The following APAF1 variants were observed in gnomAD, a reference collection of about 807,000 sequenced individuals.
APAF1 encodes apoptotic peptidase activating factor 1.
Under a neutral mutation model 152.4 loss-of-function variants are expected in APAF1, and 91 were observed. That is an observed-to-expected ratio of 0.60 (90% CI 0.50 to 0.71). APAF1 has a LOEUF of 0.71. Among genes scored for constraint, APAF1 ranks in the 30% least tolerant of loss-of-function variants. The pLI is 0.00. For missense variants in APAF1, 1,283 were observed against 1,472.0 expected, an observed-to-expected ratio of 0.87 and a Z score of 2.10; for synonymous variants, 484 against 494.1, an observed-to-expected ratio of 0.98 and a Z score of 0.27.
At chr12:98,653,357 A>G (rs536249067) in intron 4 of APAF1, among the ~76,000 whole-genome samples, 1 of 152,126 alleles carries the variant, frequency 6.6e-6, no homozygotes, top group South Asian at 2.1e-4. Context: ...ATTAAAGAAT[A>G]TTAAGTTGTT....
intron 16 of APAF1, among the ~76,000 whole-genome samples, 190 bp downstream of exon 16, chr12:98,687,063 G>A (rs1464091341): frequency 2.6e-5 from 4 of 152,150 alleles, no homozygotes; most frequent in Non-Finnish European, 5.9e-5. Context: ...ACAACCTAAT[G>A]CTTAAAGTTC....
chr12:98,691,239 A>G (rs1185632303), intron 16 of APAF1, among the ~76,000 whole-genome samples: 1 of 151,802 alleles, frequency 6.6e-6, no homozygotes, highest in Non-Finnish European at 1.5e-5. Flanking sequence ...ACTTGTACCT[A>G]CTGTTCCTCC....
At position 98,649,611 on chromosome 12, in the gene APAF1, C is replaced by T. The variant is rs1249547834; in HGVS notation, c.453C>T (p.Thr151=). 1 of 1,614,096 alleles carries T rather than the reference C, an allele frequency of 6.2e-7. No homozygotes were observed. The highest frequency in any genetic ancestry group is 1.7e-5 in the Admixed American group (1 of 60,012). ...TGAAAGGTGAACCAGGATGGGTCAC[C>T]ATACATGGAATGGCAGGCTGTGGGA... The part of the protein sequence containing the change: ...SKLKGEPGWV[T]IHGMAGCGKS... Residue 151 remains threonine, a synonymous_variant, in exon 4 of 27, where the codon ACC becomes ACT. Transcript: ENST00000551964.
intron 17 of APAF1, 103 bp downstream of exon 17, chr12:98,699,672 T>C: frequency 7.4e-7 from 1 of 1,345,266 alleles, no homozygotes; most frequent in South Asian, 1.2e-5. Context: ...AAAGTCTAGC[T>C]GTGTGATTTT....
chr12:98,704,158 T>G (rs993536062), intron 18 of APAF1, among the ~76,000 whole-genome samples: 2 of 149,672 alleles, frequency 1.3e-5, no homozygotes, highest in Non-Finnish European at 3.0e-5. Flanking sequence ...GAAATGGGGG[T>G]CTCACTGTGT....
rs745529226 is a variant in APAF1, at chr12:98,732,496, C to G, written c.3677C>G (p.Ser1226Cys). ...NGTNLKKIHV[S>C]PDFKTYVTVD... ...ACCAATCTTAAGAAAATACACGTGT[C>G]CCCTGACTTCAAAACATATGTGACT... The change falls in exon 27 of 27, where the codon TCC becomes TGC. Residue 1226 changes from serine (S) to cysteine (C), a missense_variant. By Grantham distance (112) the Ser-to-Cys change is moderately radical. Coordinates refer to ENST00000551964, the MANE Select transcript of APAF1 (RefSeq NM_181861.2). The G allele has an allele frequency of 3.8e-6, 6 of 1,595,208 alleles. No individual in the cohort carries two copies. The highest frequency in any genetic ancestry group is 1.3e-5 in the African/African-American group (1 of 74,480).
intron 16 of APAF1, among the ~76,000 whole-genome samples, chr12:98,688,306 ATTG>A (rs1565876965): frequency 6.6e-6 from 1 of 151,908 alleles, no homozygotes; most frequent in Non-Finnish European, 1.5e-5. Flanking sequence ...CATCTTTGAC[ATTG>A]TTGTCTCTTG....
intron 18 of APAF1, among the ~76,000 whole-genome samples, chr12:98,704,666 C>T (rs943713990): frequency 6.6e-5 from 10 of 152,180 alleles, no homozygotes; most frequent in South Asian, 2.1e-4. Context: ...TCCCATTGCA[C>T]ACAGAGGCAG....
rs1387174506 is a variant in APAF1 at position 98,677,522 on chromosome 12, G to A, written c.1891G>A (p.Ala631Thr). 1 of 1,614,170 alleles carries A rather than the reference G, an allele frequency of 6.2e-7. No homozygotes were observed. Reference sequence around the variant, plus strand: ...CTTTTCTGAGGATGGTCAGAGAATAGCTTCTTGTGGAGCTGATAAAACCTT... The same window carrying A: ...CTTTTCTGAGGATGGTCAGAGAATAACTTCTTGTGGAGCTGATAAAACCTT... The part of the protein sequence containing the change: ...ACFSEDGQRI[A>T]SCGADKTLQV... The change falls in exon 13 of 27, where the codon GCT becomes ACT. Residue 631 changes from alanine (A) to threonine (T), a missense_variant. Ala to Thr is a moderately conservative substitution (Grantham distance 58). Transcript: ENST00000551964.
chr12:98,715,783 G>T (rs1593105372), intron 22 of APAF1, among the ~76,000 whole-genome samples: 1 of 151,906 alleles, frequency 6.6e-6, no homozygotes, highest in African/African-American at 2.4e-5. Flanking sequence ...GAAAATGAAG[G>T]GTTTGTTTGC....
chr12:98,665,280 T>TATATATATATA (rs1565863211), intron 7 of APAF1, among the ~76,000 whole-genome samples: 11 of 62,650 alleles, frequency 1.8e-4, no homozygotes, highest in African/African-American at 6.3e-4. Context: ...ATATATATAT[T>TATATATATATA]TTTTTTTTTT....
intron 22 of APAF1, among the ~76,000 whole-genome samples, chr12:98,717,625 C>T (rs2097736469): frequency 1.3e-5 from 2 of 152,104 alleles, no homozygotes; most frequent in Non-Finnish European, 2.9e-5. Context: ...ATCCACCCAC[C>T]TTGGCCTCCC....
At chr12:98,657,787 A>G (rs190974757) in intron 4 of APAF1, among the ~76,000 whole-genome samples, 1 of 152,332 alleles carries the variant, frequency 6.6e-6, no homozygotes, top group Admixed American at 6.5e-5. Flanking sequence ...ACTTTGGGCA[A>G]ATTACTCAAC....
At chr12:98,684,462 C>CCCT (rs1468470418) in intron 15 of APAF1, among the ~76,000 whole-genome samples, 1 of 150,444 alleles carries the variant, frequency 6.6e-6, no homozygotes, top group Admixed American at 6.6e-5. Flanking sequence ...CTCTCCTCCT[C>CCCT]CCTCTCTTCT....
intron 10 of APAF1, among the ~76,000 whole-genome samples, chr12:98,669,650 T>A (rs2097677585): frequency 1.3e-5 from 2 of 152,214 alleles, no homozygotes; most frequent in Admixed American, 6.5e-5. Context: ...GGCCAGTTGG[T>A]TGATGGACAA....
At position 98,731,883 on chromosome 12, in the gene APAF1, A is replaced by G. The variant is rs368800260; in HGVS notation, c.3601-537A>G. Among the ~76,000 whole-genome samples the G allele has an allele frequency of 4.5e-4, 68 of 152,346 alleles. 1 individual carries two copies. The highest frequency in any genetic ancestry group is 1.6e-3 in the African/African-American group (65 of 41,580). On this transcript the variant is annotated intron_variant, in intron 26 of 26. Transcript: ENST00000551964. Reference sequence around the variant, plus strand: ...TTGAGATGTTCAGTATTTGTTTAGTAAATAAATAATATAGATTATTTTATA... The same window carrying G: ...TTGAGATGTTCAGTATTTGTTTAGTGAATAAATAATATAGATTATTTTATA...
rs201107103 is a variant in APAF1, at chr12:98,665,818, T to G, written c.1194+27T>G. 106 of 1,523,372 alleles carry G rather than the reference T, an allele frequency of 7.0e-5. 2 individuals are homozygous for G. In the Admixed American group the frequency reaches 1.7e-3, roughly 24 times the overall value. The allele number at this position is 1,523,372 out of a possible 1,614,324, so 94.4% of individuals were successfully genotyped here. A position where few individuals can be genotyped will look rare whatever the true frequency, so the allele number is the denominator to read the frequency against. ...TAATGGGATCAATGATCCTCATCAT[T>G]GGGTATTTATTGCATGTAAGCTTTG... On this transcript the variant is annotated intron_variant, in intron 8 of 26. Coordinates refer to ENST00000551964, the MANE Select transcript of APAF1 (RefSeq NM_181861.2).
rs1491328899 is a variant in APAF1 at position 98,665,279 on chromosome 12, T to TATATATATATATATATATATATATATATA, written c.956-274_956-273insATATATATATATATATATATATATATATA. On this transcript the variant is annotated intron_variant, in intron 7 of 26. Transcript: ENST00000551964. ...GCATATATATATATATATATATATA[T>TATATATATATATATATATATATATATATA]TTTTTTTTTTTTTTGTAATGACATC... 7.6e-4 allele frequency among the ~76,000 whole-genome samples: 50 copies of TATATATATATATATATATATATATATATA among 65,554 alleles called. 1 individual carries two copies. Among genetic ancestry groups the TATATATATATATATATATATATATATATA allele is most frequent in the Non-Finnish European group, 1.1e-3 (38 of 34,584 alleles). 43.0% of individuals were successfully genotyped at this position (65,554 alleles called of 152,430 possible). A position where few individuals can be genotyped will look rare whatever the true frequency, so the allele number is the denominator to read the frequency against.
chr12:98,671,878 A>G, intron 12 of APAF1, among the ~76,000 whole-genome samples, 159 bp downstream of exon 12: 1 of 152,340 alleles, frequency 6.6e-6, no homozygotes, highest in East Asian at 1.9e-4. Context: ...TAGAGAAGTA[A>G]GCATAGGAGA....
Sources: gnomAD v4.1 joint callset for allele counts (sites outside exome capture counted in the v4.1 genomes callset) on GRCh38, gnomAD v4.1.1 for gene constraint, MANE v1.5 for transcripts, NCBI Gene and HGNC (gene_info 2026-07-23, HGNC 2026-07-21) for gene names.